CD200R1: variants seen among roughly 807,000 people sequenced by gnomAD.
CD200R1 encodes the protein cell surface glycoprotein CD200 receptor 1.
A neutral mutation model predicts 38.1 loss-of-function variants in CD200R1; 30 were observed. The observed-to-expected ratio is 0.79, with a 90% CI of 0.59 to 1.07. The LOEUF (loss-of-function observed/expected upper bound fraction) is 1.07. Among genes scored for constraint, CD200R1 ranks in the 50% least tolerant of loss-of-function variants. The probability of loss-of-function intolerance (pLI) is 0.00; values close to 1 mark genes in which losing one functional copy is unlikely to be tolerated. For missense variants in CD200R1, 372 were observed against 415.4 expected (o/e 0.90, Z 0.91); for synonymous variants, 128 against 152.1 (o/e 0.84, Z 1.16).
At chr3:112,937,890 T>C (rs1216519380) in intron 2 of CD200R1, among the ~76,000 whole-genome samples, 1 of 152,192 alleles carries the variant, frequency 6.6e-6, no homozygotes, top group East Asian at 1.9e-4. Context: ...ATAGTTTTTC[T>C]TAAAGAGGTC....
rs190232775 is a variant in CD200R1, at chr3:112,972,321, G to A, written c.67+2470C>T. 7.8e-4 allele frequency among the ~76,000 whole-genome samples: 119 copies of A among 152,280 alleles called. 1 individual carries two copies. The highest frequency in any genetic ancestry group is 1.4e-3 in the Non-Finnish European group (95 of 68,018). ...GCAAATCTGCCAAAGCTACCTTAGAGCCCTGTCTTGATTTTTATCTCCTCT... is the reference window on the plus strand; with the variant it reads ...GCAAATCTGCCAAAGCTACCTTAGAACCCTGTCTTGATTTTTATCTCCTCT... On this transcript the variant is annotated intron_variant, in intron 1 of 7. Transcript: ENST00000308611.
At chr3:112,961,717 T>G (rs1287946929) in intron 1 of CD200R1, among the ~76,000 whole-genome samples, 1 of 152,006 alleles carries the variant, frequency 6.6e-6, no homozygotes, top group African/African-American at 2.4e-5. Flanking sequence ...CATAAAACAA[T>G]GTTGCCAAGC....
chr3:112,947,024 C>A (rs1215513292), intron 2 of CD200R1, among the ~76,000 whole-genome samples: 1 of 151,892 alleles, frequency 6.6e-6, no homozygotes, highest in African/African-American at 2.4e-5. Flanking sequence ...TGAAAAAAGC[C>A]AGTCTGAAAA....
At position 112,938,103 on chromosome 3, in the gene CD200R1, G is replaced by T. The variant is rs532780574; in HGVS notation, c.137-6932C>A. On this transcript the variant is annotated intron_variant, in intron 2 of 7. Transcript: ENST00000308611. ...AGAAGCTTTTGGGCTGAGATGATGG[G>T]GTTTTCTAGATATAGAATCATGTTA... Among the ~76,000 whole-genome samples the T allele has an allele frequency of 8.5e-5, 13 of 152,202 alleles. No individual in the cohort carries two copies. The South Asian group carries it at 2.7e-3, about 32-fold the overall frequency.
rs565670967 is a variant in CD200R1, at chr3:112,933,782, AAGAT to A, written c.137-2615_137-2612del. On this transcript the variant is annotated intron_variant, in intron 2 of 7. Transcript: ENST00000308611. ...TGATTTAAATGAAAAATTCAACAAA[AAGAT>A]AGCTATCATAAAAAAAGAGATTTTA... is the stretch of plus-strand genomic sequence containing the variant. Among the ~76,000 whole-genome samples the A allele has an allele frequency of 2.8e-4, 42 of 152,270 alleles. 1 individual carries two copies. In the South Asian group the frequency reaches 7.7e-3, roughly 28 times the overall value.
chr3:112,934,019 A>C (rs1233940576), intron 2 of CD200R1, among the ~76,000 whole-genome samples: 6 of 152,106 alleles, frequency 3.9e-5, no homozygotes, highest in Non-Finnish European at 8.8e-5. Flanking sequence ...ACATTATAAA[A>C]ATTCTGGAAG....
At position 112,961,843 on chromosome 3, in the gene CD200R1, A is replaced by G. The variant is rs138470789; in HGVS notation, c.67+12948T>C. The stretch of plus-strand genomic sequence containing the variant: ...AGAGATGGACAACTCAACTGAAAAA[A>G]TGGGCAAAGGTATGAACAGGCTGAC... On this transcript the variant is annotated intron_variant, in intron 1 of 7. Coordinates refer to ENST00000308611, the MANE Select transcript of CD200R1 (RefSeq NM_138806.4). Among the ~76,000 whole-genome samples the G allele has an allele frequency of 1.2e-3, 186 of 152,308 alleles. 1 individual carries two copies. Among genetic ancestry groups the G allele is most frequent in the Middle Eastern group, 0.01 (3 of 294 alleles).
intron 5 of CD200R1, among the ~76,000 whole-genome samples, chr3:112,928,079 T>C (rs1940322911): frequency 6.6e-6 from 1 of 152,186 alleles, no homozygotes; most frequent in Non-Finnish European, 1.5e-5. Flanking sequence ...GAAGTTGTGA[T>C]TACATAATGT....
In CD200R1 at chr3:112,921,466, A is replaced by C. The variant is rs962805722; in HGVS notation, c.*2211T>G. On this transcript the variant is annotated 3_prime_UTR_variant, in exon 8 of 8. Coordinates refer to ENST00000308611, the MANE Select transcript of CD200R1 (RefSeq NM_138806.4). ...GAAAGAGAGAGAGACAGAGAAAGAG[A>C]GAGAAAATTGACAAATCTAGCAAAG... The C allele has an allele frequency of 6.6e-6, 1 of 152,082 alleles. No homozygotes were observed. The highest frequency in any genetic ancestry group is 6.6e-5 in the Admixed American group (1 of 15,218). The allele number at this position is 152,082 out of a possible 1,614,324, so 9.4% of individuals were successfully genotyped here. A position where few individuals can be genotyped will look rare whatever the true frequency, so the allele number is the denominator to read the frequency against.
At chr3:112,953,006 C>T (rs772652272) in intron 1 of CD200R1, among the ~76,000 whole-genome samples, 21 of 152,072 alleles carry the variant, frequency 1.4e-4, no homozygotes, top group Non-Finnish European at 2.1e-4. Context: ...TGAATACAAG[C>T]GGCAAGAGTG....
Position 112,923,176 on chromosome 3 carries a change from CTTATA to C in CD200R1, c.*496_*500del, listed in dbSNP as rs1940208692. On this transcript the variant is annotated 3_prime_UTR_variant, in exon 8 of 8. Transcript: ENST00000308611. The stretch of plus-strand genomic sequence containing the variant: ...TCATGATATAAAATGATCTCTAAGA[CTTATA>C]TTATTAGGTTTTCATATGTATAGAA... 6.6e-6 allele frequency: 1 copy of C among 151,960 alleles called. No individual in the cohort carries two copies. The highest frequency in any genetic ancestry group is 2.1e-4 in the South Asian group (1 of 4,822). 9.4% of individuals were successfully genotyped at this position (151,960 alleles called of 1,614,324 possible).
At chr3:112,933,121 G>A (rs1475813694) in intron 2 of CD200R1, among the ~76,000 whole-genome samples, 1 of 152,112 alleles carries the variant, frequency 6.6e-6, no homozygotes, top group Non-Finnish European at 1.5e-5. Context: ...CTGTACCCAG[G>A]GCCTAAGAAA....
chr3:112,955,094 T>C (rs1007107291), intron 1 of CD200R1, among the ~76,000 whole-genome samples: 7 of 152,226 alleles, frequency 4.6e-5, no homozygotes, highest in East Asian at 1.9e-4. Flanking sequence ...TTAATTGTTA[T>C]GGTGTGAGAG....
intron 1 of CD200R1, among the ~76,000 whole-genome samples, chr3:112,949,350 T>C (rs190736052): frequency 5.3e-5 from 8 of 152,354 alleles, no homozygotes; most frequent in Non-Finnish European, 1.0e-4. Flanking sequence ...CTCAGTGTTT[T>C]TCTGGAAAAA....
rs936146599 is a variant in CD200R1, at chr3:112,953,358, A to G, written c.68-5434T>C. Among the ~76,000 whole-genome samples the G allele has an allele frequency of 2.0e-5, 3 of 152,184 alleles. No individual in the cohort carries two copies. In the East Asian group the frequency reaches 5.8e-4, roughly 29 times the overall value. On this transcript the variant is annotated intron_variant, in intron 1 of 7. Transcript: ENST00000308611. ...CTGCTATTTATTTTGGCTTGCTAGC[A>G]TCTTGTTAAAGATTTTTTGCATTTA...
At position 112,923,797 on chromosome 3, in the gene CD200R1, A is replaced by T. The variant is rs757531819; in HGVS notation, c.927T>A (p.Asp309Glu). 1 of 1,566,000 alleles carries T rather than the reference A, an allele frequency of 6.4e-7. No homozygotes were observed. Among genetic ancestry groups the T allele is most frequent in the Non-Finnish European group, 8.7e-7 (1 of 1,153,494 alleles). Residue 309 changes from aspartate (D) to glutamate (E), a missense_variant and splice_region_variant, in exon 8 of 8, where the codon GAT becomes GAA. Coordinates refer to ENST00000308611, the MANE Select transcript of CD200R1 (RefSeq NM_138806.4). ...TGTAGCTGGCATAGGGCTGCATTTC[A>T]TCCTAAGAAAGAACTCAAAGTTAAA... ...KTESTPVVEE[D>E]EMQPYASYTE... is the part of the protein sequence containing the mutation.
intron 1 of CD200R1, among the ~76,000 whole-genome samples, chr3:112,966,780 C>T (rs1434726228): frequency 6.6e-6 from 1 of 151,788 alleles, no homozygotes; most frequent in Non-Finnish European, 1.5e-5. Context: ...TTATTAGATG[C>T]TTACTTCCCC....
intron 1 of CD200R1, among the ~76,000 whole-genome samples, chr3:112,965,066 C>A (rs950493213): frequency 6.6e-6 from 1 of 152,194 alleles, no homozygotes; most frequent in Non-Finnish European, 1.5e-5. Context: ...GTCCATTAAA[C>A]CTCTTTCTTT....
chr3:112,956,360 T>A lies in CD200R1; in HGVS notation c.68-8436A>T, dbSNP rs376264364. On this transcript the variant is annotated intron_variant, in intron 1 of 7. Transcript: ENST00000308611. ...AGCACTAGGATTTCTGGTTTTTTTT[T>A]AAATTATTTCAATCTCTCTATTAGA... is the stretch of plus-strand genomic sequence containing the variant. Among the ~76,000 whole-genome samples the A allele has an allele frequency of 2.3e-3, 356 of 152,278 alleles. 4 individuals are homozygous for A. Among genetic ancestry groups the A allele is most frequent in the African/African-American group, 6.9e-3 (285 of 41,554 alleles).
Sources: allele counts gnomAD v4.1 joint callset (sites outside exome capture counted in the v4.1 genomes callset), GRCh38; gene constraint gnomAD v4.1.1; transcripts MANE v1.5; gene names NCBI Gene and HGNC (gene_info 2026-07-23, HGNC 2026-07-21).